Variants in MASP1 observed in about 807,000 individuals in gnomAD.
MASP1 encodes the protein mannan-binding lectin serine protease 1.
In MASP1, 59 loss-of-function variants were observed where a neutral mutation model predicts 77.1. The ratio of observed to expected loss-of-function variants is 0.77; its 90% CI spans 0.62 to 0.95. The LOEUF (loss-of-function observed/expected upper bound fraction) is 0.95. Ranked by LOEUF, MASP1 falls within the 40% of genes least tolerant of loss-of-function variation. The pLI is 0.00. For synonymous variants in MASP1, 362 were observed against 354.5 expected, an observed-to-expected ratio of 1.02 and a Z score of -0.24; for missense variants, 885 against 912.9, an observed-to-expected ratio of 0.97 and a Z score of 0.39.
chr3:187,263,036 G>A (rs769953061), intron 2 of MASP1: 2 of 339,836 alleles, frequency 5.9e-6, no homozygotes, highest in Non-Finnish European at 1.1e-5. Context: ...TAACCTCGCA[G>A]ACAGATTCTC....
intron 8 of MASP1, among the ~76,000 whole-genome samples, chr3:187,248,308 G>T (rs1330226342): frequency 1.3e-5 from 2 of 152,158 alleles, no homozygotes; most frequent in African/African-American, 2.4e-5. Context: ...CCTAGTGAGG[G>T]GATTGGGTTG....
At chr3:187,286,905 C>T (rs190343267) in intron 1 of MASP1, among the ~76,000 whole-genome samples, 83 of 152,282 alleles carry the variant, frequency 5.5e-4, no homozygotes, top group African/African-American at 1.9e-3. Flanking sequence ...CATGGTACTA[C>T]CATCAACCAG....
intron 4 of MASP1, among the ~76,000 whole-genome samples, chr3:187,259,349 C>G: frequency 6.6e-6 from 1 of 151,996 alleles, no homozygotes; most frequent in Non-Finnish European, 1.5e-5. Context: ...CATTTTTTAC[C>G]CCAAGCATTC....
chr3:187,227,491 A>C (rs1051298562), intron 11 of MASP1, among the ~76,000 whole-genome samples: 19 of 152,272 alleles, frequency 1.2e-4, no homozygotes, highest in African/African-American at 4.3e-4. Flanking sequence ...GACATATCCA[A>C]GATGAGCCAA....
In MASP1 at chr3:187,235,594, C is replaced by T. The variant is rs1292198391; in HGVS notation, c.*90G>A. 1 of 1,595,338 alleles carries T rather than the reference C, an allele frequency of 6.3e-7. No individual in the cohort carries two copies. On this transcript the variant is annotated 3_prime_UTR_variant, in exon 11 of 11. Coordinates refer to ENST00000296280, the MANE Select transcript of MASP1 (RefSeq NM_139125.4). ...ACCGCTAGGTCAGTGTGTTCCATTC[C>T]ATATGGTCTGATAAGTAATGTGGAG...
chr3:187,238,613 T>A (rs144739082), intron 10 of MASP1, among the ~76,000 whole-genome samples: 65 of 152,252 alleles, frequency 4.3e-4, no homozygotes, highest in African/African-American at 1.5e-3. Context: ...TTTAAAAAAA[T>A]GTGATACTCT....
At position 187,291,695 on chromosome 3, in the gene MASP1, G is replaced by A. The variant is rs745610702; in HGVS notation, c.-63C>T. On this transcript the variant is annotated 5_prime_UTR_variant, in exon 1 of 11. Transcript: ENST00000296280. ...TCCTCCCAGCTTGACTTGCCTGTGA[G>A]CTCGTGCCCGGTGTGGTGTCCGTGA... is the stretch of plus-strand genomic sequence containing the variant. 3 of 1,607,168 alleles carry A rather than the reference G, an allele frequency of 1.9e-6. No homozygotes were observed. The African/African-American group carries it at 4.0e-5, about 21-fold the overall frequency.
intron 4 of MASP1, among the ~76,000 whole-genome samples, chr3:187,257,363 CTTATT>C (rs150478704): frequency 3.4e-4 from 52 of 151,798 alleles, no homozygotes; most frequent in Middle Eastern, 3.4e-3. Flanking sequence ...TTCCTTCTTA[CTTATT>C]TTATTTTATT....
Position 187,286,059 on chromosome 3 carries a change from G to C in MASP1, c.6-3C>G. ...GAGCATAATAGAGAAGCAGCCACCT[G>C]AAAGACATGAATGTAGGTCTACTTA... On this transcript the variant is annotated splice_region_variant and splice_polypyrimidine_tract_variant and intron_variant, in intron 1 of 10. Coordinates refer to ENST00000296280, the MANE Select transcript of MASP1 (RefSeq NM_139125.4). 6.2e-7 allele frequency: 1 copy of C among 1,609,768 alleles called. No homozygotes were observed. Among genetic ancestry groups the C allele is most frequent in the Non-Finnish European group, 8.5e-7 (1 of 1,176,086 alleles).
At chr3:187,279,118 C>T (rs959624492) in intron 2 of MASP1, among the ~76,000 whole-genome samples, 1 of 152,194 alleles carries the variant, frequency 6.6e-6, no homozygotes, top group Non-Finnish European at 1.5e-5. Context: ...GTGTTAAATA[C>T]AGAGGGATAT....
rs1344326996 is a variant in MASP1, at chr3:187,234,754, T to G, written c.*930A>C. On this transcript the variant is annotated 3_prime_UTR_variant, in exon 11 of 11. Coordinates refer to ENST00000296280, the MANE Select transcript of MASP1 (RefSeq NM_139125.4). Reference sequence around the variant, plus strand: ...TGCCCAAAAGCACAGCAGGACACAGTGTGGGTCTTTTCTTTTTCCAGGTAA... The same window carrying G: ...TGCCCAAAAGCACAGCAGGACACAGGGTGGGTCTTTTCTTTTTCCAGGTAA... 7 of 1,287,082 alleles carry G rather than the reference T, an allele frequency of 5.4e-6. No homozygotes were observed. The highest frequency in any genetic ancestry group is 1.5e-5 in the African/African-American group (1 of 65,784). The allele number at this position is 1,287,082 out of a possible 1,614,324, so 79.7% of individuals were successfully genotyped here. A position where few individuals can be genotyped will look rare whatever the true frequency, so the allele number is the denominator to read the frequency against.
chr3:187,228,700 C>T (rs552312748), intron 11 of MASP1, among the ~76,000 whole-genome samples: 14 of 152,242 alleles, frequency 9.2e-5, no homozygotes, highest in African/African-American at 2.4e-4. Flanking sequence ...GTCCTCTCCC[C>T]GACTCTGCTC....
At chr3:187,291,590 C>T in intron 1 of MASP1, 38 bp downstream of exon 1, 1 of 1,614,048 alleles carries the variant, frequency 6.2e-7, no homozygotes. Context: ...CACTGGTCCC[C>T]AAAAGGGAAC....
In MASP1 at chr3:187,235,628, C is replaced by A. The variant is rs750539076; in HGVS notation, c.*56G>T. On this transcript the variant is annotated 3_prime_UTR_variant, in exon 11 of 11. Transcript: ENST00000296280. ...TGATAAGTAATGTGGAGTGTGCTGT[C>A]GGAAGTGCGGTGTAGCTTCGCTCAG... 2 of 1,608,492 alleles carry A rather than the reference C, an allele frequency of 1.2e-6. No individual in the cohort carries two copies. The highest frequency in any genetic ancestry group is 1.7e-6 in the Non-Finnish European group (2 of 1,179,876).
At chr3:187,282,719 AG>A (rs1487227425) in intron 2 of MASP1, among the ~76,000 whole-genome samples, 1 of 152,178 alleles carries the variant, frequency 6.6e-6, no homozygotes, top group Admixed American at 6.5e-5. Context: ...CATCCTGCAG[AG>A]GGGAGGCCTG....
At chr3:187,271,544 T>C (rs1318657457) in intron 2 of MASP1, among the ~76,000 whole-genome samples, 1 of 152,170 alleles carries the variant, frequency 6.6e-6, no homozygotes. Flanking sequence ...GAAAAAATAG[T>C]ATATATGGTA....
In MASP1 at chr3:187,291,456, AC is replaced by A; in HGVS notation, c.5+171del. The A allele has an allele frequency of 3.6e-6, 3 of 836,690 alleles. 1 individual carries two copies. In the South Asian group the frequency reaches 4.6e-5, roughly 13 times the overall value. The allele number at this position is 836,690 out of a possible 1,614,324, so 51.8% of individuals were successfully genotyped here. On this transcript the variant is annotated intron_variant, in intron 1 of 10. Transcript: ENST00000296280. ...TGTCTCCTGGAGTCCTGGGGAAGGCACCCAGCCCACCCACAGCTCCCTTCTC... is the reference window on the plus strand; with the variant it reads ...TGTCTCCTGGAGTCCTGGGGAAGGCACCAGCCCACCCACAGCTCCCTTCTC...
At chr3:187,220,248 G>A in exon 16 of MASP1, 1 of 1,614,086 alleles carries the variant, frequency 6.2e-7, no homozygotes, top group Non-Finnish European at 8.5e-7. Context: ...CACCCGCACA[G>A]GCGTCCTTTC....
chr3:187,223,424 T>C (rs1270679050), intron 13 of MASP1, among the ~76,000 whole-genome samples: 1 of 152,238 alleles, frequency 6.6e-6, no homozygotes, highest in African/African-American at 2.4e-5. Context: ...ACTTGTTTAG[T>C]TTTCTATTCT....
Sources: allele counts gnomAD v4.1 joint callset (sites outside exome capture counted in the v4.1 genomes callset), GRCh38; gene constraint gnomAD v4.1.1; transcripts MANE v1.5; gene names NCBI Gene and HGNC (gene_info 2026-07-23, HGNC 2026-07-21).